The following ABCD3 variants were observed in gnomAD, a reference collection of about 807,000 sequenced individuals.
The protein encoded by ABCD3 is ATP binding cassette subfamily D member 3.
In ABCD3, 41 loss-of-function variants were observed where a neutral mutation model predicts 105.5. That is an observed-to-expected ratio of 0.39 (90% confidence interval 0.30 to 0.50). The LOEUF (loss-of-function observed/expected upper bound fraction) is 0.50, where lower values mean the gene tolerates loss of function less well. Among genes scored for constraint, ABCD3 ranks in the 20% least tolerant of loss-of-function variants. The probability of loss-of-function intolerance (pLI) is 0.84; values close to 1 mark genes in which losing one functional copy is unlikely to be tolerated. For synonymous variants in ABCD3, 258 were observed against 269.0 expected, an observed-to-expected ratio of 0.96 and a Z score of 0.40; for missense variants, 622 against 806.3, an observed-to-expected ratio of 0.77 and a Z score of 2.77.
chr1:94,478,251 T>A lies in ABCD3; in HGVS notation c.628-8T>A. 6.5e-7 allele frequency: 1 copy of A among 1,545,814 alleles called. No homozygotes were observed. The highest frequency in any genetic ancestry group is 1.4e-5 in the African/African-American group (1 of 73,604). On this transcript the variant is annotated splice_region_variant and splice_polypyrimidine_tract_variant and intron_variant, in intron 7 of 22. Transcript: ENST00000370214. ...TTAATTCTGTGTATTCTAATATTTA[T>A]TTTACAGCCATTTTTAGACATAGTT...
At chr1:94,398,894 C>T in the ABCD3 span, among the ~76,000 whole-genome samples, 3 of 151,878 alleles carry the variant, frequency 2.0e-5, no homozygotes, top group Non-Finnish European at 4.4e-5. Context: ...AGCCCGGCGA[C>T]AGACTGACAG....
In ABCD3 at chr1:94,473,833, C is replaced by T. The variant is rs1231372126; in HGVS notation, c.403C>T (p.Leu135Phe). ...YLLNFIAAMP[L>F]ISLVNNFLKY... ...ACTCAACTTCATCGCTGCCATGCCT[C>T]TTGTAAGTTTAATTCATTAAAAATC... Residue 135 changes from leucine (L) to phenylalanine (F), a missense_variant and splice_region_variant, in exon 5 of 23, where the codon CTT (leucine) becomes TTT (phenylalanine). Leu to Phe is a conservative substitution (Grantham distance 22). This residue lies in a region of ABCD3 where 245 missense variants were observed against 356.4 expected (regional missense o/e 0.69). Coordinates refer to ENST00000370214, the MANE Select transcript of ABCD3 (RefSeq NM_002858.4). The T allele has an allele frequency of 1.2e-6, 2 of 1,611,068 alleles. No individual in the cohort carries two copies. Among genetic ancestry groups the T allele is most frequent in the East Asian group, 2.2e-5 (1 of 44,730 alleles).
chr1:94,515,253 A>G (rs1289865042), intron 22 of ABCD3, 51 bp downstream of exon 22: 2 of 1,413,902 alleles, frequency 1.4e-6, no homozygotes, highest in Non-Finnish European at 1.0e-6. Context: ...TTTCTTTAAA[A>G]TATGAATTCA....
chr1:94,472,048 C>T (rs1011893109), intron 4 of ABCD3: 1 of 172,468 alleles, frequency 5.8e-6, no homozygotes, highest in African/African-American at 2.4e-5. Context: ...TTATTTTCAC[C>T]CATTTGGCTA....
At chr1:94,465,268 G>C (rs1371585111) in intron 3 of ABCD3, among the ~76,000 whole-genome samples, 1 of 152,116 alleles carries the variant, frequency 6.6e-6, no homozygotes, top group Non-Finnish European at 1.5e-5. Context: ...AGATTTGGGT[G>C]GAGACAGATA....
intron 21 of ABCD3, among the ~76,000 whole-genome samples, chr1:94,509,315 CT>C (rs1215058102): frequency 6.6e-6 from 1 of 152,062 alleles, no homozygotes; most frequent in Non-Finnish European, 1.5e-5. Context: ...TTGAACCAGC[CT>C]TTGCATCCCA....
At chr1:94,472,098 G>C (rs1176046391) in intron 4 of ABCD3, 2 of 386,206 alleles carry the variant, frequency 5.2e-6, no homozygotes, top group Non-Finnish European at 7.1e-6. Context: ...CTTTTATAAA[G>C]ATTCTTAAAC....
At chr1:94,455,136 T>A (rs1217435519) in intron 1 of ABCD3, among the ~76,000 whole-genome samples, 1 of 152,192 alleles carries the variant, frequency 6.6e-6, no homozygotes, top group Non-Finnish European at 1.5e-5. Flanking sequence ...TCTGCTGTAT[T>A]GGAACTTATA....
chr1:94,467,852 C>T (rs1437411512), intron 3 of ABCD3, 67 bp from the exon 4 acceptor site: 11 of 1,161,948 alleles, frequency 9.5e-6, no homozygotes, highest in African/African-American at 1.5e-5. Flanking sequence ...AAATTGTTAC[C>T]AAGGTAATAT....
the ABCD3 span, among the ~76,000 whole-genome samples, chr1:94,389,920 C>T: frequency 3.3e-5 from 5 of 152,184 alleles, no homozygotes; most frequent in Non-Finnish European, 5.9e-5. Context: ...CAGTTATAGT[C>T]TGTAGAATGT....
chr1:94,396,812 C>T, the ABCD3 span, among the ~76,000 whole-genome samples: 2 of 152,080 alleles, frequency 1.3e-5, no homozygotes, highest in Admixed American at 6.6e-5. Context: ...GGCCTGGAAC[C>T]GCATGATCTC....
At chr1:94,418,337 G>C (rs1234967888), upstream of ABCD3, 1 of 559,044 alleles carries the variant, frequency 1.8e-6, no homozygotes, top group Non-Finnish European at 2.8e-6. Context: ...GCGGCGCGGC[G>C]GCGCGAGCCA....
intron 1 of ABCD3, among the ~76,000 whole-genome samples, chr1:94,432,068 A>G (rs1009040161): frequency 3.3e-5 from 5 of 152,348 alleles, no homozygotes; most frequent in African/African-American, 1.2e-4. Flanking sequence ...TCAAGAAAAT[A>G]TCTATTCTCT....
At chr1:94,455,233 T>A (rs1647489872) in intron 1 of ABCD3, among the ~76,000 whole-genome samples, 1 of 152,228 alleles carries the variant, frequency 6.6e-6, no homozygotes, top group South Asian at 2.1e-4. Flanking sequence ...TAAAAATATC[T>A]TTTATAGTGA....
At chr1:94,418,916 T>G in intron 1 of ABCD3, 2 of 415,418 alleles carry the variant, frequency 4.8e-6, no homozygotes, top group East Asian at 5.2e-5. Flanking sequence ...CCCCACCCCC[T>G]TCCCTACATC....
At chr1:94,442,347 A>G (rs565369131) in intron 1 of ABCD3, among the ~76,000 whole-genome samples, 2 of 152,226 alleles carry the variant, frequency 1.3e-5, no homozygotes, top group South Asian at 4.1e-4. Context: ...ACACTATTTT[A>G]TAGTTGCTGT....
At chr1:94,458,278 G>A (rs563463766) in intron 1 of ABCD3, among the ~76,000 whole-genome samples, 3 of 152,272 alleles carry the variant, frequency 2.0e-5, no homozygotes, top group African/African-American at 2.4e-5. Context: ...TGGCCAAAGC[G>A]GTTTACATGG....
intron 1 of ABCD3, among the ~76,000 whole-genome samples, chr1:94,424,692 C>T (rs1659397151): frequency 6.6e-6 from 1 of 152,212 alleles, no homozygotes; most frequent in South Asian, 2.1e-4. Flanking sequence ...GCTGGGATTA[C>T]AGGCAAGAGC....
chr1:94,391,226 T>G, the ABCD3 span, among the ~76,000 whole-genome samples: 1 of 152,218 alleles, frequency 6.6e-6, no homozygotes, highest in African/African-American at 2.4e-5. Flanking sequence ...ATGTTTCTGT[T>G]CACCAGCTCT....
Sources: allele counts gnomAD v4.1 joint callset (sites outside exome capture counted in the v4.1 genomes callset), GRCh38; gene constraint gnomAD v4.1.1; regional missense constraint gnomAD v4.1.1; transcripts MANE v1.5; gene names NCBI Gene and HGNC (gene_info 2026-07-23, HGNC 2026-07-21).